Variants in TAF3 observed in about 807,000 individuals in gnomAD.
The protein encoded by TAF3 is transcription initiation factor TFIID subunit 3.
In TAF3, 7 loss-of-function variants were observed where a neutral mutation model predicts 80.6. The ratio of observed to expected loss-of-function variants is 0.09; its 90% CI spans 0.05 to 0.16. TAF3 has a LOEUF of 0.16. Among genes scored for constraint, TAF3 ranks in the 10% least tolerant of loss-of-function variants. The pLI is 1.00. For missense variants in TAF3, 921 were observed against 1,140.2 expected (o/e 0.81, Z 2.77); for synonymous variants, 444 against 446.1 (o/e 1.00, Z 0.06).
intron 2 of TAF3, among the ~76,000 whole-genome samples, chr10:7,851,990 C>G (rs1258889608): frequency 6.6e-6 from 1 of 151,638 alleles, no homozygotes; most frequent in Non-Finnish European, 1.5e-5. Flanking sequence ...TGTCATGTTG[C>G]CCAGGTTGGT....
chr10:7,818,922 G>T, intron 1 of TAF3, 47 bp downstream of exon 1: 1 of 1,363,078 alleles, frequency 7.3e-7, no homozygotes, highest in South Asian at 1.7e-5. Flanking sequence ...CAAGTCAAGG[G>T]TGACACCTTC....
At chr10:7,864,151 C>T (rs1306462890) in intron 2 of TAF3, among the ~76,000 whole-genome samples, 1 of 152,026 alleles carries the variant, frequency 6.6e-6, no homozygotes, top group Non-Finnish European at 1.5e-5. Flanking sequence ...TGTGTTTTGA[C>T]AAATGTGTAA....
chr10:7,844,413 T>C (rs1167061687), intron 2 of TAF3, among the ~76,000 whole-genome samples: 1 of 150,112 alleles, frequency 6.7e-6, no homozygotes, highest in Non-Finnish European at 1.5e-5. Flanking sequence ...AGTCTTGCTC[T>C]GTCACCAGGC....
At chr10:7,968,575 CAG>C (rs1428350019) in intron 3 of TAF3, among the ~76,000 whole-genome samples, 2 of 152,290 alleles carry the variant, frequency 1.3e-5, no homozygotes, top group Non-Finnish European at 2.9e-5. Flanking sequence ...TCATAGTTAA[CAG>C]TGAGTAATTA....
At chr10:7,824,682 CT>C in intron 2 of TAF3, 122 bp downstream of exon 2, 1 of 1,279,056 alleles carries the variant, frequency 7.8e-7, no homozygotes, top group Non-Finnish European at 1.1e-6. Flanking sequence ...TTTACTGTTA[CT>C]TACAAATTAT....
intron 2 of TAF3, among the ~76,000 whole-genome samples, chr10:7,841,454 CAG>C (rs1225962819): frequency 6.6e-6 from 1 of 152,150 alleles, no homozygotes; most frequent in Non-Finnish European, 1.5e-5. Flanking sequence ...TAAAGGAAAA[CAG>C]AGTGCTCCAG....
intron 2 of TAF3, among the ~76,000 whole-genome samples, chr10:7,935,786 G>A (rs1837913854): frequency 6.6e-6 from 1 of 152,162 alleles, no homozygotes; most frequent in Admixed American, 6.5e-5. Flanking sequence ...CAGGCCTTGA[G>A]GCTGAAGACT....
chr10:7,848,563 C>T (rs1836995916), intron 2 of TAF3, among the ~76,000 whole-genome samples: 1 of 148,026 alleles, frequency 6.8e-6, no homozygotes, highest in Admixed American at 6.7e-5. Flanking sequence ...CCTGGTCCCT[C>T]GACAGCTGCT....
rs1588536612 is a variant in TAF3 at position 7,880,599 on chromosome 10, C to T, written c.409+56039C>T. On this transcript the variant is annotated intron_variant, in intron 2 of 6. Coordinates refer to ENST00000344293, the MANE Select transcript of TAF3 (RefSeq NM_031923.4). ...GACATAATCCTGCTGACGTTGTTTC[C>T]TTTAAGGGCCATTTCTTATAAATGC... 2.6e-5 allele frequency among the ~76,000 whole-genome samples: 4 copies of T among 152,220 alleles called. No individual in the cohort carries two copies. The South Asian group carries it at 8.3e-4, about 32-fold the overall frequency.
chr10:7,934,710 G>A (rs545103857), intron 2 of TAF3, among the ~76,000 whole-genome samples: 126 of 152,086 alleles, frequency 8.3e-4, no homozygotes, highest in African/African-American at 2.9e-3. Context: ...CTCCCAAAGT[G>A]CTGGGATTAC....
At chr10:7,878,751 CAG>C (rs1837333406) in intron 2 of TAF3, among the ~76,000 whole-genome samples, 1 of 150,138 alleles carries the variant, frequency 6.7e-6, no homozygotes, top group Admixed American at 6.6e-5. Context: ...GTATATGAGA[CAG>C]AGTCTTGCTC....
At chr10:7,868,564 A>G (rs1367528736) in intron 2 of TAF3, among the ~76,000 whole-genome samples, 4 of 152,202 alleles carry the variant, frequency 2.6e-5, no homozygotes, top group African/African-American at 7.2e-5. Flanking sequence ...TAGGCACACA[A>G]TCTTGGATTC....
intron 2 of TAF3, among the ~76,000 whole-genome samples, chr10:7,918,918 G>A (rs1671270580): frequency 6.6e-6 from 1 of 152,118 alleles, no homozygotes; most frequent in Admixed American, 6.6e-5. Flanking sequence ...GAGCAAGGAG[G>A]CACTCACCTC....
chr10:7,819,159 T>C (rs1391306639), intron 1 of TAF3, among the ~76,000 whole-genome samples: 1 of 152,106 alleles, frequency 6.6e-6, no homozygotes, highest in Non-Finnish European at 1.5e-5. Context: ...GAATTGTGTC[T>C]GGATCTCTCT....
chr10:7,837,728 G>A (rs117149489), intron 2 of TAF3, among the ~76,000 whole-genome samples: 3,745 of 152,208 alleles, frequency 0.025, 77 homozygotes, highest in South Asian at 0.086. Context: ...AGAGGCTGAG[G>A]TAGGGGGATC....
intron 3 of TAF3, among the ~76,000 whole-genome samples, chr10:7,969,874 C>T (rs932385331): frequency 1.3e-5 from 2 of 152,198 alleles, no homozygotes; most frequent in African/African-American, 4.8e-5. Context: ...CACCAACCTC[C>T]CATCCTCGCA....
intron 2 of TAF3, among the ~76,000 whole-genome samples, chr10:7,848,394 T>C (rs1270051705): frequency 1.3e-5 from 2 of 152,174 alleles, no homozygotes; most frequent in Non-Finnish European, 2.9e-5. Flanking sequence ...GAAAAACTCC[T>C]TTTTCATTTC....
intron 2 of TAF3, among the ~76,000 whole-genome samples, chr10:7,872,322 G>A (rs1048751486): frequency 6.8e-6 from 1 of 147,602 alleles, no homozygotes; most frequent in Non-Finnish European, 1.5e-5. Flanking sequence ...ATTAAAATCA[G>A]TTCCCTGTAT....
chr10:7,956,973 C>A (rs1049705477), intron 2 of TAF3, among the ~76,000 whole-genome samples: 2 of 151,850 alleles, frequency 1.3e-5, no homozygotes, highest in African/African-American at 4.8e-5. Context: ...TCTACTAGAA[C>A]TATAGGGGTT....
Sources: gnomAD v4.1 joint callset for allele counts (sites outside exome capture counted in the v4.1 genomes callset) on GRCh38, gnomAD v4.1.1 for gene constraint, MANE v1.5 for transcripts, NCBI Gene and HGNC (gene_info 2026-07-23, HGNC 2026-07-21) for gene names.